Variants in TTC28 observed in about 807,000 individuals in gnomAD.
TTC28 encodes tetratricopeptide repeat protein 28.
Under a neutral mutation model 198.0 loss-of-function variants are expected in TTC28, and 61 were observed. The observed-to-expected ratio is 0.31, with a 90% CI of 0.25 to 0.38. TTC28 has a LOEUF of 0.38. Ranked by LOEUF, TTC28 falls within the 10% of genes least tolerant of loss-of-function variation. The probability of loss-of-function intolerance (pLI) is 1.00; values close to 1 mark genes in which losing one functional copy is unlikely to be tolerated. For synonymous variants in TTC28, 1,171 were observed against 1,297.8 expected (o/e 0.90, Z 2.10); for missense variants, 2,678 against 3,164.0 (o/e 0.85, Z 3.69).
chr22:28,388,716 G>C (rs1377050582), intron 2 of TTC28, among the ~76,000 whole-genome samples: 7 of 152,194 alleles, frequency 4.6e-5, no homozygotes, highest in African/African-American at 1.4e-4. Flanking sequence ...TGCTCAAGTT[G>C]CTTATCAGCT....
At chr22:28,477,020 T>A (rs2048177095) in intron 2 of TTC28, among the ~76,000 whole-genome samples, 1 of 152,194 alleles carries the variant, frequency 6.6e-6, no homozygotes, top group African/African-American at 2.4e-5. Context: ...AACAAAAGAA[T>A]ATATTCATAT....
intron 2 of TTC28, among the ~76,000 whole-genome samples, chr22:28,492,276 G>A (rs146573211): frequency 1.3e-5 from 2 of 151,996 alleles, no homozygotes; most frequent in Non-Finnish European, 2.9e-5. Context: ...AAAATTAGCT[G>A]TCTAAATAAA....
chr22:27,982,001 CT>C lies in TTC28; in HGVS notation c.*219del. 2.2e-6 allele frequency: 1 copy of C among 459,138 alleles called. No homozygotes were observed. The highest frequency in any genetic ancestry group is 3.8e-6 in the Non-Finnish European group (1 of 263,672). 28.4% of individuals were successfully genotyped at this position (459,138 alleles called of 1,614,324 possible). A position where few individuals can be genotyped will look rare whatever the true frequency, so the allele number is the denominator to read the frequency against. On this transcript the variant is annotated 3_prime_UTR_variant, in exon 23 of 23. Transcript: ENST00000397906. The surrounding 1 kb of genome is among the most constrained non-coding windows in gnomAD (Gnocchi z 5.2). Reference sequence around the variant, plus strand: ...GTGTGTAGGAAATTCCATGAGCCTCCTGTACCAGCCCCACAGAAGTCCTGGC... The same window carrying C: ...GTGTGTAGGAAATTCCATGAGCCTCCGTACCAGCCCCACAGAAGTCCTGGC...
At chr22:28,225,055 C>G (rs1176878845) in intron 5 of TTC28, among the ~76,000 whole-genome samples, 1 of 152,082 alleles carries the variant, frequency 6.6e-6, no homozygotes, top group Non-Finnish European at 1.5e-5. Context: ...ATAAACCTTA[C>G]AGACTACTGC....
chr22:28,406,771 C>A (rs1267229458), intron 2 of TTC28, among the ~76,000 whole-genome samples: 7 of 152,216 alleles, frequency 4.6e-5, no homozygotes, highest in Non-Finnish European at 2.9e-5. Context: ...CGCCCTTTAA[C>A]AGACCCTCCT....
chr22:28,515,982 T>C (rs1162335380), intron 2 of TTC28, among the ~76,000 whole-genome samples: 2 of 151,846 alleles, frequency 1.3e-5, no homozygotes, highest in Non-Finnish European at 2.9e-5. Context: ...CCGTCTCTAC[T>C]AAAAAATACA....
Position 28,001,516 on chromosome 22 carries a change from C to T in TTC28, c.4256G>A (p.Arg1419Gln), listed in dbSNP as rs760175692. ...MHSSGPVGRH[R>Q]QLILVLEGEL... ...CCCCTCCAGAACCAGGATGAGCTGC[C>T]GGTGCCGGCCCACGGGGCCGCTGGA... Residue 1419 changes from arginine to glutamine, a missense_variant, in exon 15 of 23, where the codon CGG (arginine) becomes CAG (glutamine). Arg to Gln is a conservative substitution (Grantham distance 43, BLOSUM62 1). Transcript: ENST00000397906. 1.0e-4 allele frequency: 160 copies of T among 1,551,194 alleles called. No individual in the cohort carries two copies. Among genetic ancestry groups the T allele is most frequent in the Non-Finnish European group, 1.3e-4 (145 of 1,146,916 alleles).
chr22:28,586,734 G>GT (rs1198225345), intron 2 of TTC28, among the ~76,000 whole-genome samples: 1 of 152,136 alleles, frequency 6.6e-6, no homozygotes, highest in African/African-American at 2.4e-5. Flanking sequence ...GGATCTTGAT[G>GT]TTTAGCTAAT....
intron 2 of TTC28, among the ~76,000 whole-genome samples, chr22:28,567,479 C>CATAT (rs398040471): frequency 0.1 from 5,160 of 51,040 alleles, 468 homozygotes; most frequent in African/African-American, 0.15. Flanking sequence ...TACATACATA[C>CATAT]ATATATATAT....
At chr22:28,093,215 C>T (rs1239265225) in intron 12 of TTC28, among the ~76,000 whole-genome samples, 1 of 152,138 alleles carries the variant, frequency 6.6e-6, no homozygotes, top group Non-Finnish European at 1.5e-5. Context: ...AAGATCAGTC[C>T]AGCTGCTGGC....
At chr22:28,552,757 C>T (rs2049699683) in intron 2 of TTC28, among the ~76,000 whole-genome samples, 1 of 144,102 alleles carries the variant, frequency 6.9e-6, no homozygotes, top group Non-Finnish European at 1.6e-5. Context: ...CTCCCTCTCC[C>T]TCTCCGCCTC....
chr22:28,110,968 A>G (rs183860251), intron 6 of TTC28, among the ~76,000 whole-genome samples: 23 of 151,968 alleles, frequency 1.5e-4, no homozygotes, highest in Non-Finnish European at 2.9e-4. Flanking sequence ...GTTTATTGAC[A>G]TAGGAAGAAA....
At chr22:28,180,006 T>TA in intron 5 of TTC28, among the ~76,000 whole-genome samples, 1 of 152,314 alleles carries the variant, frequency 6.6e-6, no homozygotes. Flanking sequence ...TAAAAACTTG[T>TA]ATTTATTAAC....
chr22:28,311,748 G>T (rs1017387965), intron 2 of TTC28, among the ~76,000 whole-genome samples: 1 of 151,688 alleles, frequency 6.6e-6, no homozygotes, highest in Admixed American at 6.6e-5. Context: ...CCAAATACTA[G>T]ATCTTATTCA....
intron 12 of TTC28, among the ~76,000 whole-genome samples, chr22:28,069,760 C>T (rs578125731): frequency 6.6e-6 from 1 of 152,172 alleles, no homozygotes; most frequent in East Asian, 1.9e-4. Flanking sequence ...TCAACCTAAC[C>T]ACTTCTAACA....
Position 28,595,535 on chromosome 22 carries a change from G to A in TTC28, c.381+34017C>T, listed in dbSNP as rs143607240. Among the ~76,000 whole-genome samples the A allele has an allele frequency of 2.0e-5, 3 of 152,202 alleles. No individual in the cohort carries two copies. In the East Asian group the frequency reaches 5.8e-4, roughly 29 times the overall value. ...TTGTCAGTCTCCCTGACTAAACAGT[G>A]CCTCCACAAGATTTTGCACAGTGTC... On this transcript the variant is annotated intron_variant, in intron 2 of 22. Coordinates refer to ENST00000397906, the MANE Select transcript of TTC28 (RefSeq NM_001145418.2).
At chr22:28,085,665 T>G (rs895787787) in intron 12 of TTC28, among the ~76,000 whole-genome samples, 28 of 151,940 alleles carry the variant, frequency 1.8e-4, no homozygotes, top group Non-Finnish European at 3.4e-4. Flanking sequence ...ATAACAATAT[T>G]AACTTTAAAT....
At chr22:28,661,225 G>A (rs375466735) in intron 1 of TTC28, among the ~76,000 whole-genome samples, 7 of 151,940 alleles carry the variant, frequency 4.6e-5, no homozygotes, top group Admixed American at 1.3e-4. Context: ...TGGAGGTTGC[G>A]GTGAGTCGAG....
intron 2 of TTC28, among the ~76,000 whole-genome samples, chr22:28,573,952 G>C (rs2050102377): frequency 1.3e-5 from 2 of 152,102 alleles, no homozygotes; most frequent in African/African-American, 4.8e-5. Context: ...AAGATGCAAA[G>C]TGTGTCTTTG....
Sources: allele counts gnomAD v4.1 joint callset (sites outside exome capture counted in the v4.1 genomes callset), GRCh38; gene constraint gnomAD v4.1.1; non-coding constraint Gnocchi (gnomAD v3.1); transcripts MANE v1.5; gene names NCBI Gene and HGNC (gene_info 2026-07-23, HGNC 2026-07-21).